SGCZ: variants seen among roughly 807,000 people sequenced by gnomAD.
The protein encoded by SGCZ is zeta-sarcoglycan.
In SGCZ, 40 loss-of-function variants were observed where a neutral mutation model predicts 41.3. The observed-to-expected ratio is 0.97, with a 90% CI of 0.75 to 1.26. SGCZ has a LOEUF of 1.26. SGCZ is among the 50% of genes most tolerant of loss of function. SGCZ has a pLI of 0.00. For missense variants in SGCZ, 552 were observed against 369.8 expected, an observed-to-expected ratio of 1.49 and a Z score of -4.04; for synonymous variants, 206 against 137.5, an observed-to-expected ratio of 1.50 and a Z score of -3.49.
intron 1 of SGCZ, among the ~76,000 whole-genome samples, chr8:14,695,928 AAAAAAT>A (rs1808946594): frequency 6.6e-6 from 1 of 152,082 alleles, no homozygotes; most frequent in African/African-American, 2.4e-5. Context: ...AACCAAGATA[AAAAAAT>A]AAAAATAAAA....
At chr8:14,352,192 T>C (rs1803124354) in intron 2 of SGCZ, among the ~76,000 whole-genome samples, 1 of 152,052 alleles carries the variant, frequency 6.6e-6, no homozygotes, top group Non-Finnish European at 1.5e-5. Context: ...GTGTGAAGAC[T>C]CAATTGAAAA....
chr8:14,158,416 C>T (rs1228189242), intron 5 of SGCZ, among the ~76,000 whole-genome samples: 1 of 152,142 alleles, frequency 6.6e-6, no homozygotes, highest in Non-Finnish European at 1.5e-5. Context: ...GTATTCCCAA[C>T]AGCTATAAAA....
intron 3 of SGCZ, among the ~76,000 whole-genome samples, chr8:14,295,927 C>A (rs1020329587): frequency 1.3e-5 from 2 of 152,092 alleles, no homozygotes; most frequent in Non-Finnish European, 2.9e-5. Flanking sequence ...CATAAAGTAG[C>A]ACATGCACAG....
chr8:14,334,121 G>T lies in SGCZ; in HGVS notation c.235-9917C>A, dbSNP rs181097208. ...TAAAAGGAGAATCACCTCTTGACTT[G>T]AACAAAATCACATTTCTAGACCCTT... On this transcript the variant is annotated intron_variant, in intron 2 of 7. Coordinates refer to ENST00000382080, the MANE Select transcript of SGCZ (RefSeq NM_139167.4). Among the ~76,000 whole-genome samples the T allele has an allele frequency of 4.6e-3, 699 of 152,052 alleles. 22 individuals carry two copies. Among genetic ancestry groups the T allele is most frequent in the Admixed American group, 0.04 (616 of 15,258 alleles).
intron 2 of SGCZ, among the ~76,000 whole-genome samples, chr8:14,421,263 T>G (rs1324570870): frequency 6.6e-6 from 1 of 152,120 alleles, no homozygotes; most frequent in Non-Finnish European, 1.5e-5. Context: ...CACCTTCTCT[T>G]TTTAGATGAA....
chr8:15,049,002 T>G (rs955298144), intron 1 of SGCZ, among the ~76,000 whole-genome samples: 1 of 152,142 alleles, frequency 6.6e-6, no homozygotes, highest in Non-Finnish European at 1.5e-5. Context: ...TTTCTAAGTT[T>G]TCCTCAAAAG....
At chr8:14,950,721 A>T (rs4831666) in intron 1 of SGCZ, among the ~76,000 whole-genome samples, 92,426 of 151,840 alleles carry the variant, frequency 0.61, 28,492 homozygotes, top group African/African-American at 0.69. Flanking sequence ...GGTGAGCCAA[A>T]GTAAAACATA....
chr8:15,102,085 A>C (rs1806637432), intron 1 of SGCZ, among the ~76,000 whole-genome samples: 1 of 152,210 alleles, frequency 6.6e-6, no homozygotes, highest in Non-Finnish European at 1.5e-5. Context: ...ATGAAAATTT[A>C]TGTCCACACA....
intron 3 of SGCZ, among the ~76,000 whole-genome samples, chr8:14,258,826 A>C (rs1056751840): frequency 6.6e-6 from 1 of 152,172 alleles, no homozygotes; most frequent in Non-Finnish European, 1.5e-5. Flanking sequence ...ATAAATGAGA[A>C]ATAGGTCAGT....
chr8:14,723,714 A>G (rs1809963131), intron 1 of SGCZ, among the ~76,000 whole-genome samples: 1 of 152,182 alleles, frequency 6.6e-6, no homozygotes, highest in East Asian at 1.9e-4. Flanking sequence ...ATGCATACAT[A>G]TGTCTATATA....
intron 1 of SGCZ, among the ~76,000 whole-genome samples, chr8:15,024,660 C>T (rs552918968): frequency 7.2e-4 from 109 of 152,010 alleles, no homozygotes; most frequent in African/African-American, 2.5e-3. Context: ...GTGGTCAGGC[C>T]GGGTGGTGGC....
intron 1 of SGCZ, among the ~76,000 whole-genome samples, chr8:14,902,247 T>C (rs1448844895): frequency 6.6e-6 from 1 of 152,066 alleles, no homozygotes; most frequent in East Asian, 1.9e-4. Context: ...CCATCTACTG[T>C]TTTGAGTTTC....
intron 1 of SGCZ, among the ~76,000 whole-genome samples, chr8:15,059,524 A>T (rs1023630328): frequency 2.2e-4 from 33 of 152,250 alleles, no homozygotes; most frequent in African/African-American, 7.7e-4. Context: ...TCAGTCGTAG[A>T]TTACATTTAG....
intron 2 of SGCZ, among the ~76,000 whole-genome samples, chr8:14,474,966 C>T (rs1447896499): frequency 6.6e-6 from 1 of 152,148 alleles, no homozygotes; most frequent in East Asian, 1.9e-4. Flanking sequence ...AATGTCTGTA[C>T]TGAATGCCAG....
intron 1 of SGCZ, among the ~76,000 whole-genome samples, chr8:14,910,117 T>C (rs899696752): frequency 6.6e-6 from 1 of 152,082 alleles, no homozygotes; most frequent in Non-Finnish European, 1.5e-5. Flanking sequence ...ATTTGAGATG[T>C]TGCATTCTAT....
chr8:15,038,602 C>A (rs1312884136), intron 1 of SGCZ, among the ~76,000 whole-genome samples: 1 of 151,292 alleles, frequency 6.6e-6, no homozygotes, highest in Non-Finnish European at 1.5e-5. Context: ...CAAAAATAGG[C>A]AAATGGAATT....
chr8:14,374,009 T>A (rs1420219771), intron 2 of SGCZ, among the ~76,000 whole-genome samples: 4 of 152,042 alleles, frequency 2.6e-5, no homozygotes, highest in East Asian at 1.9e-4. Context: ...ACAGATATAT[T>A]AACGATTTTA....
chr8:15,072,183 C>T (rs184873201), intron 1 of SGCZ, among the ~76,000 whole-genome samples: 31 of 152,154 alleles, frequency 2.0e-4, no homozygotes, highest in Middle Eastern at 3.4e-3. Context: ...TGTCTCGTCC[C>T]CAGTAAAGGA....
chr8:14,606,252 A>T (rs1805744976), intron 1 of SGCZ, among the ~76,000 whole-genome samples: 1 of 152,270 alleles, frequency 6.6e-6, no homozygotes, highest in African/African-American at 2.4e-5. Context: ...TGCCTTTAAC[A>T]TACATGTATA....
Sources: gnomAD v4.1 joint callset for allele counts (sites outside exome capture counted in the v4.1 genomes callset) on GRCh38, gnomAD v4.1.1 for gene constraint, MANE v1.5 for transcripts, NCBI Gene and HGNC (gene_info 2026-07-23, HGNC 2026-07-21) for gene names.